Variants in ZNF98 observed in about 807,000 individuals in gnomAD.
ZNF98 encodes the protein zinc finger protein 739.
ZNF98 carries 8 observed loss-of-function variants against 12.8 expected under a neutral mutation model. That is an observed-to-expected ratio of 0.63 (90% CI 0.37 to 1.13). ZNF98 has a LOEUF of 1.13. ZNF98 is among the 50% of genes most tolerant of loss of function. The pLI, the probability that ZNF98 is intolerant of heterozygous loss-of-function variation, is 0.01. For missense variants in ZNF98, 379 were observed against 666.1 expected, an observed-to-expected ratio of 0.57 and a Z score of 4.74; for synonymous variants, 112 against 223.5, an observed-to-expected ratio of 0.50 and a Z score of 4.45.
chr19:22,405,464 G>A (rs775702226), intron 1 of ZNF98, among the ~76,000 whole-genome samples: 1 of 152,098 alleles, frequency 6.6e-6, no homozygotes, highest in Non-Finnish European at 1.5e-5. Flanking sequence ...GCAGTGTGGT[G>A]CAGCAACCCA....
intron 1 of ZNF98, among the ~76,000 whole-genome samples, chr19:22,416,822 CAT>C (rs759548956): frequency 4.6e-5 from 7 of 151,330 alleles, no homozygotes; most frequent in African/African-American, 7.4e-5. Context: ...CACACACACA[CAT>C]ACACACACAC....
intron 1 of ZNF98, among the ~76,000 whole-genome samples, chr19:22,416,068 C>T (rs1360076863): frequency 2.7e-5 from 4 of 150,746 alleles, no homozygotes; most frequent in Admixed American, 1.3e-4. Context: ...AGCTTGAACC[C>T]GGGAGGCAGA....
chr19:22,409,292 A>G (rs984165497), intron 1 of ZNF98, among the ~76,000 whole-genome samples: 7 of 152,196 alleles, frequency 4.6e-5, no homozygotes, highest in Admixed American at 6.5e-5. Flanking sequence ...AATTTACTCA[A>G]GATGGATTAA....
intron 1 of ZNF98, among the ~76,000 whole-genome samples, chr19:22,412,289 A>G (rs1969588927): frequency 6.6e-6 from 1 of 152,248 alleles, no homozygotes; most frequent in South Asian, 2.1e-4. Flanking sequence ...TTATACAAGT[A>G]CATGGAAATT....
intron 1 of ZNF98, among the ~76,000 whole-genome samples, chr19:22,416,266 C>T (rs758289147): frequency 4.0e-4 from 60 of 151,146 alleles, no homozygotes; most frequent in Admixed American, 1.7e-3. Context: ...GTCAGGAGAT[C>T]GAGACCATCT....
intron 1 of ZNF98, among the ~76,000 whole-genome samples, chr19:22,408,683 T>A (rs966366029): frequency 6.6e-6 from 1 of 151,842 alleles, no homozygotes; most frequent in African/African-American, 2.4e-5. Context: ...TAAATAAACA[T>A]CACAATTGCT....
chr19:22,401,579 G>A (rs1969457675), intron 3 of ZNF98, among the ~76,000 whole-genome samples: 1 of 151,612 alleles, frequency 6.6e-6, no homozygotes, highest in Admixed American at 6.6e-5. Context: ...TGCCTACCAG[G>A]TTCAAGCAAT....
At chr19:22,412,224 C>A (rs1304957460) in intron 1 of ZNF98, among the ~76,000 whole-genome samples, 4 of 152,088 alleles carry the variant, frequency 2.6e-5, no homozygotes, top group Non-Finnish European at 4.4e-5. Context: ...ATGAACCACA[C>A]ACAGAGGCCA....
chr19:22,397,818 C>A, intron 3 of ZNF98, among the ~76,000 whole-genome samples: 1 of 123,910 alleles, frequency 8.1e-6, no homozygotes, highest in Non-Finnish European at 1.7e-5. Context: ...AATGAAGTAC[C>A]CAAAAATATT....
chr19:22,416,424 G>A (rs1286710463), intron 1 of ZNF98, among the ~76,000 whole-genome samples: 1 of 151,884 alleles, frequency 6.6e-6, no homozygotes, highest in Non-Finnish European at 1.5e-5. Flanking sequence ...AACCGAGATC[G>A]CGCCACTGCA....
At chr19:22,411,096 G>A (rs1391146170) in intron 1 of ZNF98, among the ~76,000 whole-genome samples, 1 of 151,126 alleles carries the variant, frequency 6.6e-6, no homozygotes, top group African/African-American at 2.4e-5. Flanking sequence ...AGGCTAGAGT[G>A]CAGTGGCGAG....
intron 1 of ZNF98, among the ~76,000 whole-genome samples, chr19:22,409,377 T>C (rs547595610): frequency 3.3e-5 from 5 of 152,226 alleles, no homozygotes; most frequent in Admixed American, 3.3e-4. Context: ...GACATAGGCA[T>C]GGGCAAAGAC....
At chr19:22,398,367 G>A (rs1053288233) in intron 3 of ZNF98, among the ~76,000 whole-genome samples, 15 of 151,460 alleles carry the variant, frequency 9.9e-5, no homozygotes, top group South Asian at 4.2e-4. Flanking sequence ...TAACATGCCT[G>A]AAATGTACAG....
At position 22,401,467 on chromosome 19, in the gene ZNF98, T is replaced by C. The variant is rs1309325909; in HGVS notation, c.253+1322A>G. ...CAAAAATAAATTTAAAAACATTTCATGTCTATTGATTGAAAGAATTTTTTT... is the reference window on the plus strand; with the variant it reads ...CAAAAATAAATTTAAAAACATTTCACGTCTATTGATTGAAAGAATTTTTTT... On this transcript the variant is annotated intron_variant, in intron 3 of 3. Coordinates refer to ENST00000357774, the MANE Select transcript of ZNF98 (RefSeq NM_001098626.2). Among the ~76,000 whole-genome samples the C allele has an allele frequency of 2.0e-5, 3 of 150,572 alleles. No homozygotes were observed. The South Asian group carries it at 6.2e-4, about 31-fold the overall frequency.
chr19:22,405,072 T>C (rs371771587), intron 1 of ZNF98, among the ~76,000 whole-genome samples: 2 of 152,052 alleles, frequency 1.3e-5, no homozygotes, highest in Non-Finnish European at 2.9e-5. Context: ...AGCCATGATG[T>C]TGAGAATGTA....
At chr19:22,407,511 A>G (rs548097781) in intron 1 of ZNF98, among the ~76,000 whole-genome samples, 1 of 150,744 alleles carries the variant, frequency 6.6e-6, no homozygotes, top group Non-Finnish European at 1.5e-5. Context: ...CAGGAGTTCA[A>G]GACCAGCCTG....
intron 3 of ZNF98, among the ~76,000 whole-genome samples, chr19:22,400,657 A>T (rs1241625580): frequency 6.6e-6 from 1 of 152,008 alleles, no homozygotes; most frequent in Non-Finnish European, 1.5e-5. Flanking sequence ...AAACCAATTT[A>T]TAAAAACTTG....
At chr19:22,396,923 C>A (rs1487099722) in intron 3 of ZNF98, among the ~76,000 whole-genome samples, 1 of 152,078 alleles carries the variant, frequency 6.6e-6, no homozygotes, top group African/African-American at 2.4e-5. Context: ...GAGTTCGAGA[C>A]TGGCCTGGCC....
intron 1 of ZNF98, among the ~76,000 whole-genome samples, chr19:22,405,633 G>C (rs1029612807): frequency 6.6e-6 from 1 of 152,174 alleles, no homozygotes; most frequent in African/African-American, 2.4e-5. Context: ...AGGAGCCTAG[G>C]GTCCCAACCC....
Sources: gnomAD v4.1 joint callset for allele counts (sites outside exome capture counted in the v4.1 genomes callset) on GRCh38, gnomAD v4.1.1 for gene constraint, MANE v1.5 for transcripts, NCBI Gene and HGNC (gene_info 2026-07-23, HGNC 2026-07-21) for gene names.